GRM5: variants seen among roughly 807,000 people sequenced by gnomAD.
GRM5 encodes metabotropic glutamate receptor 5.
Under a neutral mutation model 83.1 loss-of-function variants are expected in GRM5, and 19 were observed. That is an observed-to-expected ratio of 0.23 (90% CI 0.16 to 0.34). GRM5 has a LOEUF of 0.34. Ranked by LOEUF, GRM5 falls within the 10% of genes least tolerant of loss-of-function variation. The pLI is 1.00. For synonymous variants in GRM5, 675 were observed against 633.6 expected, an observed-to-expected ratio of 1.07 and a Z score of -0.98; for missense variants, 1,160 against 1,588.3, an observed-to-expected ratio of 0.73 and a Z score of 4.58.
chr11:88,826,132 G>A (rs182915287), intron 3 of GRM5, among the ~76,000 whole-genome samples: 7 of 152,196 alleles, frequency 4.6e-5, no homozygotes, highest in African/African-American at 1.7e-4. Context: ...AGTTCGCAGA[G>A]ACCATTATGA....
chr11:88,565,133 G>A lies in GRM5; in HGVS notation c.2630+1920C>T, dbSNP rs138212387. On this transcript the variant is annotated intron_variant, in intron 8 of 9. Coordinates refer to ENST00000305447, the MANE Select transcript of GRM5 (RefSeq NM_001143831.3). ...TTTCTTTATCTCCATTTTTTCGGAGGAAGAAATCAAAGCATAGAGAGGTTA... is the reference window on the plus strand; with the variant it reads ...TTTCTTTATCTCCATTTTTTCGGAGAAAGAAATCAAAGCATAGAGAGGTTA... 1.1e-4 allele frequency among the ~76,000 whole-genome samples: 17 copies of A among 151,090 alleles called. No homozygotes were observed. In the East Asian group the frequency reaches 3.1e-3, roughly 27 times the overall value.
chr11:88,914,912 T>TA (rs1486235508), intron 2 of GRM5, among the ~76,000 whole-genome samples: 3 of 152,148 alleles, frequency 2.0e-5, no homozygotes, highest in Non-Finnish European at 4.4e-5. Context: ...GAAAATTATC[T>TA]AAAATGAAAT....
intron 2 of GRM5, among the ~76,000 whole-genome samples, chr11:88,937,937 C>A (rs1290078851): frequency 6.6e-6 from 1 of 151,620 alleles, no homozygotes; most frequent in African/African-American, 2.4e-5. Context: ...TTAGATAGCA[C>A]AGTTGAATTA....
chr11:88,907,489 C>A (rs1158456981), intron 2 of GRM5, among the ~76,000 whole-genome samples: 2 of 151,966 alleles, frequency 1.3e-5, no homozygotes, highest in Non-Finnish European at 2.9e-5. Flanking sequence ...CAAAACAGAG[C>A]AGAGTTTGGA....
At chr11:88,905,659 C>T (rs1449103543) in intron 2 of GRM5, among the ~76,000 whole-genome samples, 2 of 151,954 alleles carry the variant, frequency 1.3e-5, no homozygotes. Context: ...CTTTATTAAA[C>T]GGGGTAGGAC....
At chr11:88,731,610 A>G (rs1400815185) in intron 3 of GRM5, among the ~76,000 whole-genome samples, 1 of 152,040 alleles carries the variant, frequency 6.6e-6, no homozygotes, top group African/African-American at 2.4e-5. Flanking sequence ...TAGGAGTGAC[A>G]TTATTGATGG....
At chr11:88,561,357 C>A (rs1053910442) in intron 8 of GRM5, among the ~76,000 whole-genome samples, 4 of 152,080 alleles carry the variant, frequency 2.6e-5, no homozygotes, top group African/African-American at 9.7e-5. Flanking sequence ...AAGGTGGAGG[C>A]AACACTAATG....
chr11:88,640,029 C>G (rs994074489), intron 4 of GRM5, among the ~76,000 whole-genome samples: 2 of 152,120 alleles, frequency 1.3e-5, no homozygotes, highest in Non-Finnish European at 2.9e-5. Context: ...TTATTTCTCT[C>G]AAAACTTCCA....
intron 4 of GRM5, among the ~76,000 whole-genome samples, chr11:88,641,629 A>G (rs1939296743): frequency 6.6e-6 from 1 of 152,174 alleles, no homozygotes; most frequent in African/African-American, 2.4e-5. Context: ...CCCATTCCAA[A>G]AGGGAGAAAT....
chr11:88,784,496 A>G (rs1943029045), intron 3 of GRM5, among the ~76,000 whole-genome samples: 1 of 152,010 alleles, frequency 6.6e-6, no homozygotes, highest in African/African-American at 2.4e-5. Context: ...ATCACCCACC[A>G]CTTAATATAA....
chr11:88,507,549 A>T lies in GRM5; in HGVS notation c.*1043T>A, dbSNP rs370887931. The T allele has an allele frequency of 7.4e-4, 113 of 152,288 alleles. No individual in the cohort carries two copies. Among genetic ancestry groups the T allele is most frequent in the African/African-American group, 2.6e-3 (108 of 41,558 alleles). The allele number at this position is 152,288 out of a possible 1,614,324, so 9.4% of individuals were successfully genotyped here. A position where few individuals can be genotyped will look rare whatever the true frequency, so the allele number is the denominator to read the frequency against. On this transcript the variant is annotated 3_prime_UTR_variant, in exon 10 of 10. Transcript: ENST00000305447. Reference sequence around the variant, plus strand: ...TATGGACCACTCTTCCAGTGGTGGGACTCGAAAAGAACAAAGGAGCTCTTT... The same window carrying T: ...TATGGACCACTCTTCCAGTGGTGGGTCTCGAAAAGAACAAAGGAGCTCTTT...
intron 8 of GRM5, among the ~76,000 whole-genome samples, chr11:88,560,245 C>G (rs1942724424): frequency 6.6e-6 from 1 of 152,158 alleles, no homozygotes; most frequent in African/African-American, 2.4e-5. Context: ...GTTTAAAACA[C>G]TTAGATAGTT....
intron 2 of GRM5, among the ~76,000 whole-genome samples, chr11:88,882,852 C>T (rs1042533352): frequency 2.0e-5 from 3 of 152,144 alleles, no homozygotes; most frequent in Non-Finnish European, 2.9e-5. Context: ...TGGGAGGTAA[C>T]TGAATCATGA....
intron 8 of GRM5, among the ~76,000 whole-genome samples, chr11:88,535,212 A>T (rs191346763): frequency 2.0e-4 from 30 of 152,160 alleles, no homozygotes; most frequent in African/African-American, 7.0e-4. Context: ...CCTTACCTTC[A>T]CGATGTAGAC....
At chr11:88,581,647 TA>T (rs1943214469) in intron 7 of GRM5, among the ~76,000 whole-genome samples, 1 of 152,282 alleles carries the variant, frequency 6.6e-6, no homozygotes, top group Admixed American at 6.5e-5. Flanking sequence ...TAGAGAAACC[TA>T]AAAAGTGCTT....
intron 4 of GRM5, among the ~76,000 whole-genome samples, chr11:88,624,992 C>T (rs1442075902): frequency 6.6e-6 from 1 of 152,080 alleles, no homozygotes; most frequent in Non-Finnish European, 1.5e-5. Flanking sequence ...ATGAGGTTTA[C>T]TTATGTGATA....
At chr11:88,967,578 T>C (rs1939025992) in intron 2 of GRM5, among the ~76,000 whole-genome samples, 2 of 151,998 alleles carry the variant, frequency 1.3e-5, no homozygotes, top group Admixed American at 1.3e-4. Context: ...ACACTACTCC[T>C]GCAATAACGG....
intron 3 of GRM5, among the ~76,000 whole-genome samples, chr11:88,709,867 A>G (rs1313739552): frequency 2.0e-5 from 3 of 152,108 alleles, no homozygotes; most frequent in Non-Finnish European, 2.9e-5. Flanking sequence ...TCTGTTCTCA[A>G]TAGGAAACAA....
In GRM5 at chr11:88,654,008, T is replaced by G. The variant is rs977821893; in HGVS notation, c.912-605A>C. Among the ~76,000 whole-genome samples, 38 of 152,066 alleles carry G rather than the reference T, an allele frequency of 2.5e-4. 1 individual carries two copies. Among genetic ancestry groups the G allele is most frequent in the Admixed American group, 2.4e-3 (37 of 15,220 alleles). ...TTGTAGTCCATAGTCCATACACTATTTTCTATCCCATGGAATCTCTAAAAT... is the reference window on the plus strand; with the variant it reads ...TTGTAGTCCATAGTCCATACACTATGTTCTATCCCATGGAATCTCTAAAAT... On this transcript the variant is annotated intron_variant, in intron 3 of 9. Transcript: ENST00000305447.
Sources: allele counts gnomAD v4.1 joint callset (sites outside exome capture counted in the v4.1 genomes callset), GRCh38; gene constraint gnomAD v4.1.1; transcripts MANE v1.5; gene names NCBI Gene and HGNC (gene_info 2026-07-23, HGNC 2026-07-21).